The following RASSF8 variants were observed in gnomAD, a reference collection of about 807,000 sequenced individuals.
RASSF8 encodes Ras association domain family member 8.
A neutral mutation model predicts 48.5 loss-of-function variants in RASSF8; 22 were observed. The ratio of observed to expected loss-of-function variants is 0.45; its 90% confidence interval spans 0.32 to 0.65. The LOEUF (loss-of-function observed/expected upper bound fraction) is 0.65, where lower values mean the gene tolerates loss of function less well. Among genes scored for constraint, RASSF8 ranks in the 30% least tolerant of loss-of-function variants. The pLI is 0.03. For synonymous variants in RASSF8, 127 were observed against 171.5 expected, an observed-to-expected ratio of 0.74 and a Z score of 2.03; for missense variants, 418 against 489.2, an observed-to-expected ratio of 0.85 and a Z score of 1.37.
intron 2 of RASSF8, among the ~76,000 whole-genome samples, chr12:26,050,643 C>G (rs1254983802): frequency 6.6e-6 from 1 of 152,126 alleles, no homozygotes. Context: ...TGCAGAAAAT[C>G]TCCAAGAAAT....
chr12:25,967,233 A>G (rs1463052882), intron 1 of RASSF8, among the ~76,000 whole-genome samples: 1 of 152,196 alleles, frequency 6.6e-6, no homozygotes, highest in Non-Finnish European at 1.5e-5. Context: ...TTTCCTTACA[A>G]TAGCCTTTGT....
chr12:25,978,767 T>C (rs1261534815), intron 1 of RASSF8, among the ~76,000 whole-genome samples: 1 of 152,090 alleles, frequency 6.6e-6, no homozygotes, highest in African/African-American at 2.4e-5. Context: ...ATGAGGTGCC[T>C]ATTTCCCTGC....
At chr12:25,969,341 TA>T (rs1213039320) in intron 1 of RASSF8, among the ~76,000 whole-genome samples, 1 of 152,138 alleles carries the variant, frequency 6.6e-6, no homozygotes, top group Non-Finnish European at 1.5e-5. Flanking sequence ...GCCTTATCGG[TA>T]AAATGGAGAT....
At chr12:25,962,316 C>T (rs2136817983) in intron 1 of RASSF8, among the ~76,000 whole-genome samples, 1 of 152,294 alleles carries the variant, frequency 6.6e-6, no homozygotes, top group South Asian at 2.1e-4. Context: ...GGTGCTAGCT[C>T]AAATGTCCTT....
downstream of RASSF8, among the ~76,000 whole-genome samples, chr12:26,073,777 A>T (rs1444768498): frequency 1.0e-5 from 1 of 97,780 alleles, no homozygotes; most frequent in Non-Finnish European, 2.1e-5. Flanking sequence ...ACACACACAC[A>T]TATATATATA....
chr12:26,018,126 T>G (rs977315056), intron 2 of RASSF8, among the ~76,000 whole-genome samples: 1 of 152,194 alleles, frequency 6.6e-6, no homozygotes, highest in Non-Finnish European at 1.5e-5. Context: ...TTGAGATGAA[T>G]CTTTGAGAAT....
At chr12:25,961,211 A>G (rs1266481237) in intron 1 of RASSF8, among the ~76,000 whole-genome samples, 2 of 152,158 alleles carry the variant, frequency 1.3e-5, no homozygotes, top group Non-Finnish European at 2.9e-5. Flanking sequence ...GGAAGTAAAA[A>G]TATTGTTTGC....
intron 2 of RASSF8, among the ~76,000 whole-genome samples, chr12:26,008,839 A>C (rs1409479553): frequency 6.6e-6 from 1 of 151,984 alleles, no homozygotes; most frequent in East Asian, 1.9e-4. Flanking sequence ...AGACACAGAG[A>C]CTGATATGCT....
intron 1 of RASSF8, among the ~76,000 whole-genome samples, chr12:25,992,844 T>C (rs1942046175): frequency 6.6e-6 from 1 of 152,210 alleles, no homozygotes; most frequent in South Asian, 2.1e-4. Flanking sequence ...CCAGAGCTCA[T>C]GTTTGTATTT....
At chr12:26,010,916 C>T (rs555866221) in intron 2 of RASSF8, among the ~76,000 whole-genome samples, 2 of 152,242 alleles carry the variant, frequency 1.3e-5, no homozygotes, top group South Asian at 4.1e-4. Context: ...AAAACAGCTC[C>T]TCTCCACCTA....
chr12:26,012,639 G>T (rs1423737481), intron 2 of RASSF8, among the ~76,000 whole-genome samples: 5 of 146,864 alleles, frequency 3.4e-5, no homozygotes, highest in African/African-American at 1.2e-4. Flanking sequence ...ATCCAGATTT[G>T]TTTTTTCTGG....
Position 26,071,273 on chromosome 12 carries a change from G to C in RASSF8, c.*2455G>C. 1 of 983,888 alleles carries C rather than the reference G, an allele frequency of 1.0e-6. No individual in the cohort carries two copies. The highest frequency in any genetic ancestry group is 1.7e-5 in the African/African-American group (1 of 57,252). 60.9% of individuals were successfully genotyped at this position (983,888 alleles called of 1,614,324 possible). A position where few individuals can be genotyped will look rare whatever the true frequency, so the allele number is the denominator to read the frequency against. ...ATCTATTGCAAATACAAATGAATTA[G>C]ATAAGTGCCACATCCTGGATACATT... On this transcript the variant is annotated 3_prime_UTR_variant, in exon 6 of 6. Transcript: ENST00000689635.
At chr12:26,003,025 ATATGG>A (rs766736398) in intron 2 of RASSF8, among the ~76,000 whole-genome samples, 3 of 152,232 alleles carry the variant, frequency 2.0e-5, no homozygotes, top group Non-Finnish European at 2.9e-5. Context: ...TAATTTTTAT[ATATGG>A]TGACATGGAT....
At chr12:25,979,797 G>A (rs1373047888) in intron 1 of RASSF8, among the ~76,000 whole-genome samples, 4 of 152,146 alleles carry the variant, frequency 2.6e-5, no homozygotes, top group Admixed American at 6.6e-5. Context: ...TGTTGGTGCT[G>A]TGTAAGTGTT....
rs1368996900 is a variant in RASSF8 at position 26,067,589 on chromosome 12, G to T, written c.1014G>T (p.Glu338Asp). 1.2e-6 allele frequency: 2 copies of T among 1,613,740 alleles called. No individual in the cohort carries two copies. Among genetic ancestry groups the T allele is most frequent in the Non-Finnish European group, 1.7e-6 (2 of 1,179,774 alleles). Residue 338 changes from glutamate to aspartate, a missense_variant, in exon 5 of 6, where the codon GAG becomes GAT. Glu to Asp is a conservative substitution (Grantham distance 45). Transcript: ENST00000689635. ...TCTAGGACAAAGAACAGGAACTGGA[G>T]CAGTTGACTAAGGAGTTGCGGCAAG... Reference protein sequence around the residue: ...KRLQDKEQELEQLTKELRQVN... With the variant: ...KRLQDKEQELDQLTKELRQVN...
At position 25,958,898 on chromosome 12, in the gene RASSF8, C is replaced by T. The variant is rs1203880866; in HGVS notation, c.-453C>T. On this transcript the variant is annotated 5_prime_UTR_variant, in exon 1 of 6. Coordinates refer to ENST00000689635, the MANE Select transcript of RASSF8 (RefSeq NM_001394098.1). The stretch of plus-strand genomic sequence containing the variant: ...CTGCCGCTGGCCGAGCGCTCGCGCA[C>T]CGCGGCACCCCCGCCAGTGGCGTCC... 9 of 147,050 alleles carry T rather than the reference C, an allele frequency of 6.1e-5. No individual in the cohort carries two copies. Among genetic ancestry groups the T allele is most frequent in the Admixed American group, 4.1e-4 (6 of 14,812 alleles). The allele number at this position is 147,050 out of a possible 1,614,324, so 9.1% of individuals were successfully genotyped here.
At chr12:25,985,361 C>G (rs1045521970) in intron 1 of RASSF8, among the ~76,000 whole-genome samples, 1 of 152,128 alleles carries the variant, frequency 6.6e-6, no homozygotes, top group African/African-American at 2.4e-5. Context: ...CTCTGCTGTC[C>G]ACAGCTCCTG....
rs968336134 is a variant in RASSF8, at chr12:26,032,639, T to C, written c.-108-22597T>C. On this transcript the variant is annotated intron_variant, in intron 2 of 5. Coordinates refer to ENST00000689635, the MANE Select transcript of RASSF8 (RefSeq NM_001394098.1). ...CCTGCAATTTATAGCTTAAGGGAGTTTTAACCCATGAAACCTCCAAATCTA... is the reference window on the plus strand; with the variant it reads ...CCTGCAATTTATAGCTTAAGGGAGTCTTAACCCATGAAACCTCCAAATCTA... Among the ~76,000 whole-genome samples, 6 of 152,272 alleles carry C rather than the reference T, an allele frequency of 3.9e-5. No individual in the cohort carries two copies. The South Asian group carries it at 1.2e-3, about 32-fold the overall frequency.
chr12:26,053,129 T>G (rs1435236378), intron 2 of RASSF8: 1 of 151,988 alleles, frequency 6.6e-6, no homozygotes, highest in Non-Finnish European at 1.5e-5. Flanking sequence ...TTAATAATAC[T>G]GTATCATGTA....
Sources: allele counts gnomAD v4.1 joint callset (sites outside exome capture counted in the v4.1 genomes callset), GRCh38; gene constraint gnomAD v4.1.1; transcripts MANE v1.5; gene names NCBI Gene and HGNC (gene_info 2026-07-23, HGNC 2026-07-21).